The following CEP350 variants were observed in gnomAD, a reference collection of about 807,000 sequenced individuals.
The protein encoded by CEP350 is centrosome-associated protein 350.
In CEP350, 126 loss-of-function variants were observed where a neutral mutation model predicts 331.8. That is an observed-to-expected ratio of 0.38 (90% CI 0.33 to 0.44). CEP350 has a LOEUF of 0.44. CEP350 is among the 20% of genes least tolerant of loss of function. CEP350 has a pLI of 1.00. For missense variants in CEP350, 3,406 were observed against 3,634.6 expected (o/e 0.94, Z 1.62); for synonymous variants, 1,200 against 1,259.5 (o/e 0.95, Z 1.00).
At chr1:180,037,157 G>A in intron 17 of CEP350, 68 bp downstream of exon 17, 1 of 1,379,852 alleles carries the variant, frequency 7.2e-7, no homozygotes, top group Admixed American at 2.9e-5. Flanking sequence ...TGGTCTTAAT[G>A]ATGACTTAAA....
At chr1:180,106,198 A>G (rs1011343000) in intron 37 of CEP350, among the ~76,000 whole-genome samples, 1 of 152,192 alleles carries the variant, frequency 6.6e-6, no homozygotes, top group African/African-American at 2.4e-5. Context: ...CTAAGATGAC[A>G]AATCTTGTAG....
chr1:180,007,361 T>C (rs1654328879), intron 8 of CEP350, among the ~76,000 whole-genome samples: 2 of 152,324 alleles, frequency 1.3e-5, no homozygotes, highest in Non-Finnish European at 1.5e-5. Flanking sequence ...TAATGACCAG[T>C]GATGATGGGT....
chr1:179,986,352 T>A, intron 2 of CEP350, 98 bp downstream of exon 2: 1 of 704,838 alleles, frequency 1.4e-6, no homozygotes, highest in Non-Finnish European at 2.3e-6. Context: ...ATGCTTTGAT[T>A]TATAGAAAGT....
At chr1:180,095,407 C>T in intron 34 of CEP350, 116 bp from the exon 35 acceptor site, 3 of 1,200,144 alleles carry the variant, frequency 2.5e-6, no homozygotes, top group Non-Finnish European at 3.3e-6. Context: ...TTTTATTCTG[C>T]TTACTTATAG....
rs549806890 is a variant in CEP350, at chr1:180,041,761, A to G, written c.4321A>G (p.Thr1441Ala). 20 of 1,613,158 alleles carry G rather than the reference A, an allele frequency of 1.2e-5. No individual in the cohort carries two copies. In the East Asian group the frequency reaches 3.8e-4, roughly 31 times the overall value. Residue 1441 changes from threonine (T) to alanine (A), a missense_variant, in exon 19 of 38, where the codon ACT becomes GCT. Around this residue, in one of 5 missense-constraint regions of CEP350, gnomAD observed 1,857 missense variants for 1,909.2 expected, o/e 0.97. Coordinates refer to ENST00000367607, the MANE Select transcript of CEP350 (RefSeq NM_014810.5). ...TCKIAAQQSE[T>A]ARLTTDAARQ... ...TAAAATAGCAGCTCAGCAGTCAGAA[A>G]CTGCTCGCCTCACCACAGACGCAGC... is the stretch of plus-strand genomic sequence containing the variant.
At chr1:180,105,586 G>A (rs929477661) in intron 37 of CEP350, among the ~76,000 whole-genome samples, 1 of 152,110 alleles carries the variant, frequency 6.6e-6, no homozygotes, top group Non-Finnish European at 1.5e-5. Flanking sequence ...TCTGTTGAGA[G>A]TTTTTATCAT....
intron 29 of CEP350, among the ~76,000 whole-genome samples, chr1:180,079,284 G>T (rs1262778625): frequency 6.7e-6 from 1 of 149,646 alleles, no homozygotes; most frequent in Non-Finnish European, 1.5e-5. Flanking sequence ...GTATACTGTG[G>T]TATACTAAAG....
intron 36 of CEP350, 90 bp from the exon 37 acceptor site, chr1:180,098,773 C>T (rs1309254400): frequency 1.0e-6 from 1 of 1,004,964 alleles, no homozygotes; most frequent in African/African-American, 1.6e-5. Context: ...ATATTATATT[C>T]TTATCGTGAA....
intron 32 of CEP350, among the ~76,000 whole-genome samples, chr1:180,090,414 CG>C (rs1336281453): frequency 1.3e-5 from 2 of 150,790 alleles, no homozygotes; most frequent in African/African-American, 2.4e-5. Flanking sequence ...GGCGTGGTGG[CG>C]GGCGCCTGTA....
At chr1:179,964,934 T>C (rs1650896338) in intron 1 of CEP350, among the ~76,000 whole-genome samples, 1 of 152,020 alleles carries the variant, frequency 6.6e-6, no homozygotes, top group African/African-American at 2.4e-5. Context: ...ACTTCTTTTT[T>C]TTCTGCTAGC....
chr1:180,086,319 C>T (rs975821070), intron 31 of CEP350, among the ~76,000 whole-genome samples: 6 of 151,988 alleles, frequency 3.9e-5, no homozygotes, highest in African/African-American at 1.4e-4. Context: ...TCATCTTATA[C>T]GTCAACTAAT....
rs1307844076 is a variant in CEP350, at chr1:180,020,757, G to C, written c.2983G>C (p.Glu995Gln). ...TCTTCTTAGTGAGGGGAGTCTCTCT[G>C]AAGAAGAGGGAGACCAGGATGGACA... ...GPLLSEGSLS[E>Q]EEGDQDGQPL... Residue 995 changes from glutamate (E) to glutamine (Q), a missense_variant, in exon 12 of 38, where the codon GAA becomes CAA. This residue lies in a region of CEP350 where 1,857 missense variants were observed against 1,909.2 expected (regional missense o/e 0.97). Coordinates refer to ENST00000367607, the MANE Select transcript of CEP350 (RefSeq NM_014810.5). The C allele has an allele frequency of 3.7e-6, 6 of 1,614,012 alleles. No individual in the cohort carries two copies. Among genetic ancestry groups the C allele is most frequent in the Middle Eastern group, 1.6e-4 (1 of 6,062 alleles).
At chr1:180,096,309 T>C in intron 36 of CEP350, 125 bp downstream of exon 36, 3 of 1,010,592 alleles carry the variant, frequency 3.0e-6, no homozygotes, top group Non-Finnish European at 4.1e-6. Context: ...ACCTGTTCCA[T>C]AGTGGGTATT....
intron 1 of CEP350, chr1:179,968,802 G>A: frequency 1.4e-6 from 1 of 691,934 alleles, no homozygotes; most frequent in Non-Finnish European, 2.7e-6. Context: ...TAAATCTGAA[G>A]AGGACCTGAA....
intron 15 of CEP350, among the ~76,000 whole-genome samples, chr1:180,033,036 A>G (rs560827359): frequency 2.2e-4 from 33 of 152,222 alleles, no homozygotes; most frequent in Middle Eastern, 3.4e-3. Context: ...TTTGAAAGCT[A>G]TTTCATCATT....
intron 1 of CEP350, among the ~76,000 whole-genome samples, chr1:179,977,658 A>G (rs996414299): frequency 6.6e-6 from 1 of 152,216 alleles, no homozygotes; most frequent in African/African-American, 2.4e-5. Context: ...CCAAAAGGCT[A>G]CTGAAGGCTT....
intron 13 of CEP350, 139 bp downstream of exon 13, chr1:180,022,987 G>GCC: frequency 2.4e-5 from 17 of 719,184 alleles, no homozygotes; most frequent in Non-Finnish European, 3.0e-5. Context: ...GAGATCCAGA[G>GCC]CATGGGCTCT....
intron 29 of CEP350, among the ~76,000 whole-genome samples, chr1:180,080,175 T>C (rs899348900): frequency 1.6e-4 from 25 of 152,188 alleles, no homozygotes; most frequent in South Asian, 4.1e-4. Flanking sequence ...TAGTACATAC[T>C]GAGTATTTTT....
intron 23 of CEP350, 59 bp from the exon 24 acceptor site, chr1:180,053,691 T>A: frequency 2.0e-6 from 2 of 1,015,340 alleles, no homozygotes; most frequent in Non-Finnish European, 2.8e-6. Context: ...CCTCTTTTAG[T>A]GGAATTAAGT....
Sources: allele counts gnomAD v4.1 joint callset (sites outside exome capture counted in the v4.1 genomes callset), GRCh38; gene constraint gnomAD v4.1.1; regional missense constraint gnomAD v4.1.1; transcripts MANE v1.5; gene names NCBI Gene and HGNC (gene_info 2026-07-23, HGNC 2026-07-21).